The following STARD10 variants were observed in gnomAD, a reference collection of about 807,000 sequenced individuals.
The protein encoded by STARD10 is START domain-containing protein 10.
A neutral mutation model predicts 36.0 loss-of-function variants in STARD10; 24 were observed. The observed-to-expected ratio is 0.67, with a 90% CI of 0.48 to 0.94. STARD10 has a LOEUF of 0.94. Ranked by LOEUF, STARD10 falls within the 40% of genes least tolerant of loss-of-function variation. The pLI, the probability that STARD10 is intolerant of heterozygous loss-of-function variation, is 0.00. For synonymous variants in STARD10, 156 were observed against 161.9 expected (o/e 0.96, Z 0.28); for missense variants, 335 against 396.6 (o/e 0.84, Z 1.32).
intron 5 of STARD10, among the ~76,000 whole-genome samples, chr11:72,756,386 C>G (rs2135607094): frequency 6.6e-6 from 1 of 152,208 alleles, no homozygotes; most frequent in Non-Finnish European, 1.5e-5. Context: ...GTCATTCACT[C>G]ACTCACTCAC....
At position 72,781,677 on chromosome 11, in the gene STARD10, T is replaced by TCCGCCGGGGCCCGCCGGGGC. The variant is rs953109367; in HGVS notation, c.-113-403_-113-384dup. On this transcript the variant is annotated intron_variant, in intron 1 of 6. Coordinates refer to ENST00000334805, the MANE Select transcript of STARD10 (RefSeq NM_006645.3). The surrounding 1 kb of genome is among the most constrained non-coding windows in gnomAD (Gnocchi z 4.7). ...CGGGCTGCTCACCTTTGCCCGCCGC[T>TCCGCCGGGGCCCGCCGGGGC]CCGCCGGGGCCCGCCGGGGCCGGGG... is the stretch of plus-strand genomic sequence containing the variant. 7.0e-6 allele frequency: 1 copy of TCCGCCGGGGCCCGCCGGGGC among 142,940 alleles called. No individual in the cohort carries two copies. The highest frequency in any genetic ancestry group is 6.9e-5 in the Admixed American group (1 of 14,390). 8.9% of individuals were successfully genotyped at this position (142,940 alleles called of 1,614,324 possible).
At chr11:72,782,896 G>C (rs1054384188) in intron 1 of STARD10, among the ~76,000 whole-genome samples, 11 of 152,092 alleles carry the variant, frequency 7.2e-5, no homozygotes, top group African/African-American at 2.4e-4. Context: ...GGCCCAACAA[G>C]AACCTGCCAC....
At chr11:72,755,588 G>T in intron 6 of STARD10, 113 bp downstream of exon 6, 1 of 1,261,488 alleles carries the variant, frequency 7.9e-7, no homozygotes, top group Non-Finnish European at 1.2e-6. Flanking sequence ...TGGGATTACA[G>T]GCATGAGCCA....
intron 2 of STARD10, chr11:72,780,524 T>C: frequency 2.7e-6 from 1 of 370,238 alleles, no homozygotes; most frequent in Non-Finnish European, 5.5e-6. Flanking sequence ...AATCGGGTCC[T>C]GGGCAACCCA....
intron 2 of STARD10, among the ~76,000 whole-genome samples, chr11:72,767,422 C>T (rs189132610): frequency 7.9e-5 from 12 of 152,276 alleles, no homozygotes; most frequent in Non-Finnish European, 1.5e-4. Flanking sequence ...GAAACTGAGG[C>T]CCAGGGAGGT....
rs959507686 is a variant in STARD10 at position 72,781,596 on chromosome 11, AGC to A, written c.-113-304_-113-303del. ...GGAGCGACCTGCTCAACTAACTCGC[AGC>A]GACGCCGGGCGGGCGCGGGGCGGGT... is the stretch of plus-strand genomic sequence containing the variant. On this transcript the variant is annotated intron_variant, in intron 1 of 6. Coordinates refer to ENST00000334805, the MANE Select transcript of STARD10 (RefSeq NM_006645.3). The surrounding 1 kb of genome is among the most constrained non-coding windows in gnomAD (Gnocchi z 4.7). 1.4e-5 allele frequency: 2 copies of A among 140,850 alleles called. No individual in the cohort carries two copies. The highest frequency in any genetic ancestry group is 5.3e-5 in the African/African-American group (2 of 37,420). 8.7% of individuals were successfully genotyped at this position (140,850 alleles called of 1,614,324 possible). A position where few individuals can be genotyped will look rare whatever the true frequency, so the allele number is the denominator to read the frequency against.
At chr11:72,755,371 CATG>C in intron 6 of STARD10, 1 of 564,930 alleles carries the variant, frequency 1.8e-6, no homozygotes, top group Non-Finnish European at 3.0e-6. Context: ...AGTGCAGTGG[CATG>C]ATATCGGCTC....
intron 5 of STARD10, among the ~76,000 whole-genome samples, chr11:72,756,864 G>A (rs574021131): frequency 6.6e-5 from 10 of 152,270 alleles, no homozygotes; most frequent in Admixed American, 5.9e-4. Flanking sequence ...CAGTGACGGG[G>A]GCTAAGCGCG....
chr11:72,792,490 C>T (rs1232791401), intron 1 of STARD10, among the ~76,000 whole-genome samples: 1 of 152,000 alleles, frequency 6.6e-6, no homozygotes, highest in Non-Finnish European at 1.5e-5. Flanking sequence ...CCCAAAACCT[C>T]TAAGAGCACT....
chr11:72,756,776 T>C (rs991790394), intron 5 of STARD10, among the ~76,000 whole-genome samples: 2 of 152,082 alleles, frequency 1.3e-5, no homozygotes, highest in African/African-American at 4.8e-5. Context: ...GCCGCTGTTA[T>C]ACACAGACAA....
At chr11:72,791,938 C>A (rs1195378881) in intron 1 of STARD10, among the ~76,000 whole-genome samples, 2 of 151,862 alleles carry the variant, frequency 1.3e-5, no homozygotes, top group Admixed American at 1.3e-4. Context: ...GCAATGGCAC[C>A]ATCTCGGCCC....
intron 2 of STARD10, chr11:72,780,607 C>T (rs1441414087): frequency 2.7e-6 from 1 of 374,740 alleles, no homozygotes; most frequent in Non-Finnish European, 5.2e-6. Flanking sequence ...GGCCCAGTCT[C>T]CCACCTGGAG....
intron 2 of STARD10, among the ~76,000 whole-genome samples, chr11:72,769,564 A>T (rs1314848826): frequency 6.6e-6 from 1 of 151,982 alleles, no homozygotes; most frequent in Admixed American, 6.5e-5. Context: ...GGCTGGTCTC[A>T]AATTCCTGGG....
intron 5 of STARD10, among the ~76,000 whole-genome samples, chr11:72,757,145 CAAAA>C (rs34839119): frequency 1.9e-4 from 19 of 102,180 alleles, no homozygotes; most frequent in African/African-American, 4.4e-4. Flanking sequence ...AACTCTGTCT[CAAAA>C]AAAAAAAAAA....
At chr11:72,760,697 A>T (rs1376062055) in intron 2 of STARD10, among the ~76,000 whole-genome samples, 2 of 152,208 alleles carry the variant, frequency 1.3e-5, no homozygotes, top group African/African-American at 4.8e-5. Flanking sequence ...AATGTCACTC[A>T]GCTGGTAAGT....
chr11:72,775,804 G>T (rs1168923504), intron 2 of STARD10, among the ~76,000 whole-genome samples: 2 of 152,278 alleles, frequency 1.3e-5, no homozygotes, highest in East Asian at 3.9e-4. Context: ...ATGTGTGAAT[G>T]AATGAAGTCT....
chr11:72,763,720 G>A (rs886308492), intron 2 of STARD10, among the ~76,000 whole-genome samples: 3 of 152,190 alleles, frequency 2.0e-5, no homozygotes, highest in Admixed American at 6.5e-5. Context: ...AGGGAGGAAC[G>A]CGATGGTGAG....
chr11:72,754,863 C>CGGTCCT lies in STARD10; in HGVS notation c.*28_*33dup, dbSNP rs148490529. 15,998 of 1,583,114 alleles carry CGGTCCT rather than the reference C, an allele frequency of 0.01. 1,452 individuals carry two copies. In the African/African-American group the frequency reaches 0.19, roughly 19 times the overall value. On this transcript the variant is annotated 3_prime_UTR_variant, in exon 7 of 7. Coordinates refer to ENST00000334805, the MANE Select transcript of STARD10 (RefSeq NM_006645.3). Reference sequence around the variant, plus strand: ...AGCGGCCGCCGCCCCAGGGCTCGCCCGGTCCTGTCTCCGTCCCTGAAGCGG... The same window carrying CGGTCCT: ...AGCGGCCGCCGCCCCAGGGCTCGCCCGGTCCTGGTCCTGTCTCCGTCCCTGAAGCGG...
intron 6 of STARD10, chr11:72,755,397 G>A: frequency 1.8e-6 from 1 of 559,896 alleles, no homozygotes; most frequent in Non-Finnish European, 3.1e-6. Flanking sequence ...TGCAACCTCT[G>A]CCTTCCAGGT....
Sources: allele counts gnomAD v4.1 joint callset (sites outside exome capture counted in the v4.1 genomes callset), GRCh38; gene constraint gnomAD v4.1.1; non-coding constraint Gnocchi (gnomAD v3.1); transcripts MANE v1.5; gene names NCBI Gene and HGNC (gene_info 2026-07-23, HGNC 2026-07-21).